The following SEC14L1 variants were observed in gnomAD, a reference collection of about 807,000 sequenced individuals.
The protein encoded by SEC14L1 is SEC14 like lipid binding 1, also known as SEC14-like protein 1.
SEC14L1 carries 48 observed loss-of-function variants against 85.3 expected under a neutral mutation model. That is an observed-to-expected ratio of 0.56 (90% confidence interval 0.45 to 0.72). The LOEUF (loss-of-function observed/expected upper bound fraction) is 0.72. Ranked by LOEUF, SEC14L1 falls within the 30% of genes least tolerant of loss-of-function variation. The pLI, the probability that SEC14L1 is intolerant of heterozygous loss-of-function variation, is 0.00. For missense variants in SEC14L1, 682 were observed against 921.4 expected (o/e 0.74, Z 3.36); for synonymous variants, 391 against 355.5 (o/e 1.10, Z -1.12).
chr17:77,174,388 A>C (rs1974654737), intron 3 of SEC14L1, among the ~76,000 whole-genome samples: 1 of 152,124 alleles, frequency 6.6e-6, no homozygotes, highest in African/African-American at 2.4e-5. Flanking sequence ...AAGCTGTCCT[A>C]AGCTGTATGA....
At chr17:77,141,789 T>TA (rs1290638895) in intron 1 of SEC14L1, 2 of 152,276 alleles carry the variant, frequency 1.3e-5, no homozygotes, top group Non-Finnish European at 2.9e-5. Flanking sequence ...AAACGAGCAT[T>TA]ACGCTTTTTT....
At chr17:77,178,707 G>A (rs923229783) in intron 3 of SEC14L1, among the ~76,000 whole-genome samples, 14 of 152,176 alleles carry the variant, frequency 9.2e-5, no homozygotes, top group African/African-American at 3.4e-4. Context: ...CCTTGTGTGT[G>A]CAGTTCACAA....
At chr17:77,175,714 G>A (rs900413485) in intron 3 of SEC14L1, among the ~76,000 whole-genome samples, 1 of 152,008 alleles carries the variant, frequency 6.6e-6, no homozygotes, top group African/African-American at 2.4e-5. Context: ...CTGTGTTGAG[G>A]GAGTGCTGGG....
chr17:77,098,626 A>G (rs1007363326), intron 3 of SEC14L1, among the ~76,000 whole-genome samples: 4 of 152,110 alleles, frequency 2.6e-5, no homozygotes, highest in African/African-American at 9.7e-5. Context: ...GTGTTCTGGG[A>G]CAGACTTTGT....
chr17:77,191,032 A>AGGGAGAGGGCGTCCTGGC (rs1975506952), intron 4 of SEC14L1, 80 bp downstream of exon 4: 1 of 1,565,038 alleles, frequency 6.4e-7, no homozygotes, highest in East Asian at 2.2e-5. Context: ...GGCGTCCTGG[A>AGGGAGAGGGCGTCCTGGC]GGGAGAGGGC....
rs1456791711 is a variant in SEC14L1, at chr17:77,211,992, G to T, written c.1654G>T (p.Asp552Tyr). ...GGATGCCTCGTCAGTCATCACTTGG[G>T]ATTTCGACGTGTGCAAAGGGGACAT... ...IVDASSVITW[D>Y]FDVCKGDIVF... The change falls in exon 15 of 17, where the codon GAT becomes TAT. Residue 552 changes from aspartate (D) to tyrosine (Y), a missense_variant. Physicochemically the swap from Asp to Tyr is radical, Grantham distance 160. This residue lies in a region of SEC14L1 where 420 missense variants were observed against 619.5 expected (regional missense o/e 0.68). Transcript: ENST00000436233. 6 of 1,613,962 alleles carry T rather than the reference G, an allele frequency of 3.7e-6. No homozygotes were observed. The East Asian group carries it at 1.1e-4, about 30-fold the overall frequency.
At chr17:77,178,780 G>C (rs1974872509) in intron 3 of SEC14L1, among the ~76,000 whole-genome samples, 1 of 152,226 alleles carries the variant, frequency 6.6e-6, no homozygotes, top group Non-Finnish European at 1.5e-5. Context: ...TGGAGCTCAG[G>C]CAGTAATGCT....
rs202179937 is a variant in SEC14L1, at chr17:77,194,758, A to G, written c.556A>G (p.Ile186Val). The change falls in exon 7 of 17, where the codon ATC (isoleucine) becomes GTC (valine). Residue 186 changes from isoleucine (I) to valine (V), a missense_variant. By Grantham distance (29) the Ile-to-Val change is conservative. Coordinates refer to ENST00000436233, the MANE Select transcript of SEC14L1 (RefSeq NM_001143998.2). The stretch of plus-strand genomic sequence containing the variant: ...TGTGCCCCGTTGGAGTCCGCCTTCC[A>G]TCACGACCTCTTCAGAGACATCTTC... Reference protein sequence around the residue: ...TFVPRWSPPSITTSSETSSSS... With the variant: ...TFVPRWSPPSVTTSSETSSSS... 8.7e-5 allele frequency: 141 copies of G among 1,614,226 alleles called. 2 individuals are homozygous for G. In the South Asian group the frequency reaches 1.4e-3, roughly 17 times the overall value.
In SEC14L1 at chr17:77,214,796, T is replaced by G. The variant is rs1976958023; in HGVS notation, c.*773T>G. The G allele has an allele frequency of 1.0e-6, 1 of 985,476 alleles. No homozygotes were observed. The allele number at this position is 985,476 out of a possible 1,614,324, so 61.0% of individuals were successfully genotyped here. On this transcript the variant is annotated 3_prime_UTR_variant, in exon 17 of 17. Coordinates refer to ENST00000436233, the MANE Select transcript of SEC14L1 (RefSeq NM_001143998.2). ...GGGTGGGGGGGTTCTTCCCGTTTCCTTCCGTGCGTCGCCCCTCTCACCTGC... is the reference window on the plus strand; with the variant it reads ...GGGTGGGGGGGTTCTTCCCGTTTCCGTCCGTGCGTCGCCCCTCTCACCTGC...
At chr17:77,187,127 C>T (rs903883717) in intron 3 of SEC14L1, among the ~76,000 whole-genome samples, 1 of 152,108 alleles carries the variant, frequency 6.6e-6, no homozygotes, top group African/African-American at 2.4e-5. Flanking sequence ...AGATGCTCAA[C>T]CAGTAAGTAT....
intron 3 of SEC14L1, among the ~76,000 whole-genome samples, chr17:77,169,103 C>T (rs894154195): frequency 6.8e-6 from 1 of 146,922 alleles, no homozygotes; most frequent in Non-Finnish European, 1.5e-5. Flanking sequence ...CTAGGGCTCA[C>T]GTGCCGCTCC....
rs188284878 is a variant in SEC14L1 at position 77,171,750 on chromosome 17, G to A, written c.64-19053G>A. ...GTTTGCGCAGAGCAGGTGCAGACCC[G>A]TTATTAGGTAATCTTCCCGATTTTA... is the stretch of plus-strand genomic sequence containing the variant. On this transcript the variant is annotated intron_variant, in intron 3 of 16. Coordinates refer to ENST00000436233, the MANE Select transcript of SEC14L1 (RefSeq NM_001143998.2). Among the ~76,000 whole-genome samples, 46 of 152,272 alleles carry A rather than the reference G, an allele frequency of 3.0e-4. 1 individual carries two copies. Among genetic ancestry groups the A allele is most frequent in the South Asian group, 2.1e-3 (10 of 4,824 alleles).
At chr17:77,133,938 C>CT (rs1555617795) in intron 3 of SEC14L1, among the ~76,000 whole-genome samples, 2,771 of 93,802 alleles carry the variant, frequency 0.03, 119 homozygotes, top group African/African-American at 0.096. Context: ...GACTCCATCT[C>CT]AAAAAAAAAA....
intron 3 of SEC14L1, chr17:77,093,733 A>C (rs954064818): frequency 2.0e-5 from 3 of 152,252 alleles, no homozygotes; most frequent in Non-Finnish European, 4.4e-5. Context: ...AGATGGGGAC[A>C]CTGAAGATGA....
intron 3 of SEC14L1, among the ~76,000 whole-genome samples, chr17:77,125,642 C>T (rs566355762): frequency 4.6e-5 from 7 of 152,266 alleles, no homozygotes; most frequent in East Asian, 1.9e-4. Flanking sequence ...TGAATGTGTC[C>T]GTGGTTTGCC....
intron 3 of SEC14L1, among the ~76,000 whole-genome samples, chr17:77,150,737 C>G (rs1048225299): frequency 6.6e-6 from 1 of 152,208 alleles, no homozygotes; most frequent in Admixed American, 6.5e-5. Flanking sequence ...GCAGGGGGCA[C>G]AGGTCCTGCT....
intron 13 of SEC14L1, among the ~76,000 whole-genome samples, chr17:77,208,480 G>A (rs957708714): frequency 2.0e-5 from 3 of 152,126 alleles, no homozygotes; most frequent in South Asian, 2.1e-4. Flanking sequence ...GTGTGTTTGC[G>A]GTGCTGAGCG....
intron 3 of SEC14L1, 31 bp from the exon 4 acceptor site, chr17:77,190,772 A>C: frequency 1.9e-6 from 3 of 1,612,528 alleles, no homozygotes; most frequent in Non-Finnish European, 2.5e-6. Flanking sequence ...GTCTTTGCTC[A>C]CTTCTGCTTT....
chr17:77,184,606 A>C (rs950566671), intron 3 of SEC14L1, among the ~76,000 whole-genome samples: 51 of 151,698 alleles, frequency 3.4e-4, no homozygotes, highest in African/African-American at 1.2e-3. Context: ...CCATCTGAGC[A>C]CTCCCTTGCC....
Sources: allele counts gnomAD v4.1 joint callset (sites outside exome capture counted in the v4.1 genomes callset), GRCh38; gene constraint gnomAD v4.1.1; regional missense constraint gnomAD v4.1.1; transcripts MANE v1.5; gene names NCBI Gene and HGNC (gene_info 2026-07-23, HGNC 2026-07-21).